Variants in JAM2 observed in about 807,000 individuals in gnomAD.
The protein encoded by JAM2 is junctional adhesion molecule B.
A neutral mutation model predicts 42.0 loss-of-function variants in JAM2; 17 were observed. That is an observed-to-expected ratio of 0.40 (90% CI 0.28 to 0.61). The LOEUF (loss-of-function observed/expected upper bound fraction) is 0.61. JAM2 is among the 20% of genes least tolerant of loss of function. The probability of loss-of-function intolerance (pLI) is 0.37; values close to 1 mark genes in which losing one functional copy is unlikely to be tolerated. For synonymous variants in JAM2, 118 were observed against 128.6 expected, an observed-to-expected ratio of 0.92 and a Z score of 0.56; for missense variants, 319 against 358.3, an observed-to-expected ratio of 0.89 and a Z score of 0.89.
At chr21:25,696,526 G>C (rs931974682) in intron 4 of JAM2, among the ~76,000 whole-genome samples, 4 of 152,188 alleles carry the variant, frequency 2.6e-5, no homozygotes, top group African/African-American at 9.7e-5. Flanking sequence ...CCTTGCAGCA[G>C]ATCCGGCCAG....
chr21:25,699,134 C>T (rs1478953254), intron 5 of JAM2, among the ~76,000 whole-genome samples: 2 of 152,062 alleles, frequency 1.3e-5, no homozygotes, highest in Non-Finnish European at 2.9e-5. Flanking sequence ...GGCAAAGGCT[C>T]CTGAAACAAA....
intron 1 of JAM2, among the ~76,000 whole-genome samples, chr21:25,643,188 A>G (rs1489018622): frequency 2.6e-5 from 4 of 152,240 alleles, no homozygotes; most frequent in Non-Finnish European, 5.9e-5. Context: ...ACTGATTGCA[A>G]TATAAATCAT....
At chr21:25,641,233 A>ACAGC (rs2032432012) in intron 1 of JAM2, among the ~76,000 whole-genome samples, 1 of 152,236 alleles carries the variant, frequency 6.6e-6, no homozygotes, top group Non-Finnish European at 1.5e-5. Flanking sequence ...ACAACTGAGA[A>ACAGC]AGTTATGTAT....
At chr21:25,702,145 A>T (rs769909414) in intron 5 of JAM2, 25 bp from the exon 6 acceptor site, 3 of 1,313,796 alleles carry the variant, frequency 2.3e-6, no homozygotes, top group African/African-American at 2.9e-5. Context: ...GGCTTAAAAA[A>T]ATATATTTTT....
intron 1 of JAM2, among the ~76,000 whole-genome samples, chr21:25,650,926 T>G (rs1422784075): frequency 6.6e-6 from 1 of 152,038 alleles, no homozygotes; most frequent in Non-Finnish European, 1.5e-5. Context: ...GCTTAATCAA[T>G]ATTGTTACAA....
intron 1 of JAM2, among the ~76,000 whole-genome samples, chr21:25,642,168 C>T (rs2032464687): frequency 6.6e-6 from 1 of 151,924 alleles, no homozygotes. Context: ...CATTTCCATA[C>T]TAGATTTTTT....
intron 1 of JAM2, among the ~76,000 whole-genome samples, chr21:25,650,961 G>A (rs1568887767): frequency 6.6e-6 from 1 of 150,878 alleles, no homozygotes; most frequent in Non-Finnish European, 1.5e-5. Flanking sequence ...AGGGAAAAAT[G>A]GATCAGAACC....
intron 1 of JAM2, among the ~76,000 whole-genome samples, chr21:25,682,164 G>T (rs941294729): frequency 3.3e-5 from 5 of 152,154 alleles, no homozygotes; most frequent in Admixed American, 6.5e-5. Flanking sequence ...GTTAATTTCA[G>T]AGACTATAAC....
intron 2 of JAM2, among the ~76,000 whole-genome samples, chr21:25,688,825 T>A (rs767064133): frequency 1.3e-5 from 2 of 152,240 alleles, no homozygotes; most frequent in Non-Finnish European, 2.9e-5. Flanking sequence ...GAAAAGGATT[T>A]TAAAATAATT....
rs1263774041 is a variant in JAM2, at chr21:25,709,444, C to T, written c.816C>T (p.Ser272=). Residue 272 remains serine, a synonymous_variant, in exon 8 of 10, where the codon TCC becomes TCT. Coordinates refer to ENST00000480456, the MANE Select transcript of JAM2 (RefSeq NM_021219.4). Reference sequence around the variant, plus strand: ...CTTTTTCTTTTGTAGAAGAAACCTCCTTCCAGTAAGTATACTTTCCTACAA... The same window carrying T: ...CTTTTTCTTTTGTAGAAGAAACCTCTTTCCAGTAAGTATACTTTCCTACAA... ...QRKGYFSKET[S]FQKSNSSSKA... The T allele has an allele frequency of 2.1e-6, 3 of 1,437,276 alleles. No homozygotes were observed. Among genetic ancestry groups the T allele is most frequent in the African/African-American group, 2.8e-5 (2 of 71,874 alleles). 89.0% of individuals were successfully genotyped at this position (1,437,276 alleles called of 1,614,324 possible). A position where few individuals can be genotyped will look rare whatever the true frequency, so the allele number is the denominator to read the frequency against.
At chr21:25,701,924 TAAA>T (rs60430187) in intron 5 of JAM2, among the ~76,000 whole-genome samples, 5 of 144,786 alleles carry the variant, frequency 3.5e-5, no homozygotes, top group African/African-American at 1.3e-4. Flanking sequence ...CTTTCATGGT[TAAA>T]AAAAAAAAAA....
Position 25,712,330 on chromosome 21 carries a change from C to G in JAM2, c.822-10C>G. ...TGTAGTAAATATTGTCTTTTATATT[C>G]CACAAACAGGAAGAGTAATTCTTCA... is the stretch of plus-strand genomic sequence containing the variant. On this transcript the variant is annotated splice_polypyrimidine_tract_variant and intron_variant, in intron 8 of 9. Coordinates refer to ENST00000480456, the MANE Select transcript of JAM2 (RefSeq NM_021219.4). The G allele has an allele frequency of 6.4e-7, 1 of 1,572,736 alleles. No homozygotes were observed. Among genetic ancestry groups the G allele is most frequent in the Non-Finnish European group, 8.7e-7 (1 of 1,144,036 alleles).
chr21:25,643,078 C>T (rs187079028), intron 1 of JAM2, among the ~76,000 whole-genome samples: 1 of 152,322 alleles, frequency 6.6e-6, no homozygotes, highest in East Asian at 1.9e-4. Context: ...AATACCATCA[C>T]ATTGGTGATT....
intron 3 of JAM2, 57 bp downstream of exon 3, chr21:25,690,030 A>T: frequency 9.3e-7 from 1 of 1,074,668 alleles, no homozygotes; most frequent in South Asian, 1.3e-5. Flanking sequence ...TACAACCAGG[A>T]TCCTTTAATT....
intron 1 of JAM2, among the ~76,000 whole-genome samples, chr21:25,642,498 A>G (rs1226430531): frequency 6.6e-6 from 1 of 152,114 alleles, no homozygotes; most frequent in Non-Finnish European, 1.5e-5. Context: ...GGCCACTCCT[A>G]TCATTTATAA....
In JAM2 at chr21:25,714,651, CACAAAA is replaced by C. The variant is rs1308623802; in HGVS notation, c.877_882del (p.Thr293_Lys294del). ...CTTTCTTTTCCTAGGATTTCAAGCA[CACAAAA>C]TCCTTTATAATTTAAAGACTCCACT... On this transcript the variant is annotated inframe_deletion, in exon 10 of 10. Transcript: ENST00000480456. 1 of 1,510,018 alleles carries C rather than the reference CACAAAA, an allele frequency of 6.6e-7. No homozygotes were observed. Among genetic ancestry groups the C allele is most frequent in the African/African-American group, 1.4e-5 (1 of 69,250 alleles). The allele number at this position is 1,510,018 out of a possible 1,614,324, so 93.5% of individuals were successfully genotyped here.
At chr21:25,707,556 C>T (rs899805355) in intron 7 of JAM2, among the ~76,000 whole-genome samples, 2 of 152,212 alleles carry the variant, frequency 1.3e-5, no homozygotes, top group Admixed American at 6.5e-5. Flanking sequence ...TACTTCTGTA[C>T]ACAGTTTTGA....
In JAM2 at chr21:25,706,074, G is replaced by C. The variant is rs769580239; in HGVS notation, c.793G>C (p.Gly265Arg). Residue 265 changes from glycine to arginine, a missense_variant, in exon 7 of 10, where the codon GGC (glycine) becomes CGC (arginine). Transcript: ENST00000480456. Reference protein sequence around the residue: ...GLGVCYAQRKGYFSKETSFQK... With the variant: ...GLGVCYAQRKRYFSKETSFQK... The stretch of plus-strand genomic sequence containing the variant: ...TGGTGTATGCTATGCTCAGAGGAAA[G>C]GCTACTTTTCAAGTAAGTGAATTTC... 6.2e-7 allele frequency: 1 copy of C among 1,608,544 alleles called. No individual in the cohort carries two copies. Among genetic ancestry groups the C allele is most frequent in the Non-Finnish European group, 8.5e-7 (1 of 1,174,928 alleles).
chr21:25,672,278 A>C (rs970542677), intron 1 of JAM2, among the ~76,000 whole-genome samples: 12 of 152,214 alleles, frequency 7.9e-5, no homozygotes, highest in African/African-American at 2.6e-4. Context: ...TACCTGTGGA[A>C]TAATTATTTC....
Sources: gnomAD v4.1 joint callset for allele counts (sites outside exome capture counted in the v4.1 genomes callset) on GRCh38, gnomAD v4.1.1 for gene constraint, MANE v1.5 for transcripts, NCBI Gene and HGNC (gene_info 2026-07-23, HGNC 2026-07-21) for gene names.